Variants in RBFOX1 observed in about 807,000 individuals in gnomAD.
RBFOX1 encodes the protein RNA binding fox-1 homolog 1, also known as RNA binding protein fox-1 homolog 1.
Under a neutral mutation model 57.7 loss-of-function variants are expected in RBFOX1, and 8 were observed. That is an observed-to-expected ratio of 0.14 (90% CI 0.08 to 0.25). RBFOX1 has a LOEUF of 0.25. RBFOX1 is among the 10% of genes least tolerant of loss of function. The pLI is 1.00. For missense variants in RBFOX1, 611 were observed against 548.5 expected (o/e 1.11, Z -1.14); for synonymous variants, 326 against 222.4 (o/e 1.47, Z -4.15).
chr16:6,880,188 T>G (rs1218550648), intron 3 of RBFOX1, among the ~76,000 whole-genome samples: 1 of 149,836 alleles, frequency 6.7e-6, no homozygotes, highest in Non-Finnish European at 1.5e-5. Context: ...ATCTGTGTAC[T>G]CCTTTAAGGT....
At chr16:5,340,883 A>G (rs1013672781) in intron 1 of RBFOX1, among the ~76,000 whole-genome samples, 2 of 152,146 alleles carry the variant, frequency 1.3e-5, no homozygotes, top group African/African-American at 4.8e-5. Context: ...GACTCAGGAG[A>G]GAAAGACAGC....
intron 3 of RBFOX1, among the ~76,000 whole-genome samples, chr16:7,045,844 GAC>G (rs1314900867): frequency 6.6e-6 from 1 of 151,998 alleles, no homozygotes; most frequent in African/African-American, 2.4e-5. Context: ...TTTTAGTAGA[GAC>G]AGAGTTTTAC....
At chr16:6,454,172 A>T (rs1018675524) in intron 2 of RBFOX1, among the ~76,000 whole-genome samples, 23 of 152,284 alleles carry the variant, frequency 1.5e-4, no homozygotes, top group Middle Eastern at 3.4e-3. Flanking sequence ...CTTCTTTCCA[A>T]ATACACATTC....
At chr16:6,386,834 C>T (rs1395643614) in intron 2 of RBFOX1, among the ~76,000 whole-genome samples, 2 of 152,062 alleles carry the variant, frequency 1.3e-5, no homozygotes, top group Non-Finnish European at 2.9e-5. Context: ...ATCAAGGGGC[C>T]AGATAGGGCT....
chr16:7,413,166 C>G (rs1597809052), intron 4 of RBFOX1, among the ~76,000 whole-genome samples: 1 of 152,162 alleles, frequency 6.6e-6, no homozygotes, highest in African/African-American at 2.4e-5. Context: ...TCCCTGATGA[C>G]AATTCCTTTC....
intron 2 of RBFOX1, among the ~76,000 whole-genome samples, chr16:5,538,792 A>G (rs965178929): frequency 6.6e-6 from 1 of 151,830 alleles, no homozygotes; most frequent in Non-Finnish European, 1.5e-5. Flanking sequence ...ATGCCCAGCT[A>G]ATTTTTTGTA....
chr16:7,696,738 G>C (rs2078926918), intron 14 of RBFOX1, among the ~76,000 whole-genome samples: 2 of 152,090 alleles, frequency 1.3e-5, no homozygotes, highest in South Asian at 2.1e-4. Flanking sequence ...TTACTGTAAT[G>C]AATCAAAAAG....
intron 5 of RBFOX1, among the ~76,000 whole-genome samples, chr16:7,523,665 G>T (rs1338251393): frequency 6.6e-6 from 1 of 152,206 alleles, no homozygotes; most frequent in Non-Finnish European, 1.5e-5. Flanking sequence ...GGGCTTTGGG[G>T]CTGATCCTGA....
intron 3 of RBFOX1, among the ~76,000 whole-genome samples, chr16:6,958,605 C>T (rs922755775): frequency 3.9e-5 from 6 of 152,232 alleles, no homozygotes; most frequent in East Asian, 1.9e-4. Context: ...ACAATGGGAA[C>T]GCACGCTCAG....
intron 4 of RBFOX1, among the ~76,000 whole-genome samples, chr16:7,212,891 G>A (rs4384617): frequency 0.59 from 88,975 of 151,854 alleles, 26,470 homozygotes; most frequent in African/African-American, 0.67. Context: ...TGCTGGTGTT[G>A]ATGAAGGCAA....
At chr16:6,295,110 T>G (rs796520760) in intron 1 of RBFOX1, among the ~76,000 whole-genome samples, 3,173 of 145,366 alleles carry the variant, frequency 0.022, 144 homozygotes, top group African/African-American at 0.075. Context: ...TTTTTTTTTT[T>G]TTTTTTTTTT....
rs1568184362 is a variant in RBFOX1, at chr16:7,630,659, A to T, written c.733A>T (p.Ser245Cys). ...QEGSSMYSAP[S>C]SLVYTSAMPG... ...GGGATCTTCCATGTACAGTGCCCCC[A>T]GTTCACTTGTATATACTTCTGCAAG... The change falls in exon 11 of 16, where the codon AGT becomes TGT. Residue 245 changes from serine to cysteine, a missense_variant. Coordinates refer to ENST00000550418, the MANE Select transcript of RBFOX1 (RefSeq NM_018723.4). 6.2e-7 allele frequency: 1 copy of T among 1,613,822 alleles called. No individual in the cohort carries two copies.
chr16:7,578,132 C>T (rs1256044670), intron 5 of RBFOX1, among the ~76,000 whole-genome samples: 3 of 152,046 alleles, frequency 2.0e-5, no homozygotes, highest in East Asian at 3.9e-4. Flanking sequence ...AAAAACTTGC[C>T]ATCATTCTAA....
At chr16:5,835,644 G>A (rs1483382044) in intron 3 of RBFOX1, among the ~76,000 whole-genome samples, 7 of 152,174 alleles carry the variant, frequency 4.6e-5, no homozygotes, top group Admixed American at 3.9e-4. Flanking sequence ...TGAAGCAGGT[G>A]GCTCTGCCTG....
chr16:5,254,102 G>A (rs1348015225), intron 1 of RBFOX1, among the ~76,000 whole-genome samples: 1 of 152,198 alleles, frequency 6.6e-6, no homozygotes, highest in African/African-American at 2.4e-5. Context: ...TGTGTCTCTA[G>A]TGTTTAGTAT....
intron 1 of RBFOX1, among the ~76,000 whole-genome samples, chr16:6,270,734 A>G (rs554440815): frequency 3.3e-5 from 5 of 152,330 alleles, no homozygotes; most frequent in Non-Finnish European, 7.3e-5. Flanking sequence ...AGGACTAATC[A>G]ACATTATAGA....
intron 3 of RBFOX1, among the ~76,000 whole-genome samples, chr16:7,038,162 C>T (rs933949489): frequency 2.6e-5 from 4 of 151,420 alleles, no homozygotes; most frequent in Non-Finnish European, 5.9e-5. Flanking sequence ...GCTCATTCTA[C>T]ACAGAGTTTC....
intron 4 of RBFOX1, among the ~76,000 whole-genome samples, chr16:7,165,975 T>TACATACAC (rs1555526113): frequency 1.5e-5 from 1 of 65,176 alleles, no homozygotes; most frequent in Non-Finnish European, 3.9e-5. Flanking sequence ...CATACATACA[T>TACATACAC]ACACCCCAGA....
rs994742751 is a variant in RBFOX1 at position 6,377,721 on chromosome 16, G to C, written c.-64+60664G>C. 2.0e-5 allele frequency among the ~76,000 whole-genome samples: 3 copies of C among 152,292 alleles called. No individual in the cohort carries two copies. In the East Asian group the frequency reaches 5.8e-4, roughly 29 times the overall value. On this transcript the variant is annotated intron_variant, in intron 2 of 15. Coordinates refer to ENST00000550418, the MANE Select transcript of RBFOX1 (RefSeq NM_018723.4). Reference sequence around the variant, plus strand: ...ATATGTCTATTTAAATGCAAATTTTGACTTTCTGTCTGTAATCATATAAAA... The same window carrying C: ...ATATGTCTATTTAAATGCAAATTTTCACTTTCTGTCTGTAATCATATAAAA...
Sources: allele counts gnomAD v4.1 joint callset (sites outside exome capture counted in the v4.1 genomes callset), GRCh38; gene constraint gnomAD v4.1.1; transcripts MANE v1.5; gene names NCBI Gene and HGNC (gene_info 2026-07-23, HGNC 2026-07-21).